CFLAR: variants seen among roughly 807,000 people sequenced by gnomAD.
CFLAR encodes the protein CASP8 and FADD like apoptosis regulator, also known as CASP8 and FADD-like apoptosis regulator.
Under a neutral mutation model 51.1 loss-of-function variants are expected in CFLAR, and 14 were observed. That is an observed-to-expected ratio of 0.27 (90% confidence interval 0.18 to 0.43). The LOEUF (loss-of-function observed/expected upper bound fraction) is 0.43, where lower values mean the gene tolerates loss of function less well. CFLAR is among the 20% of genes least tolerant of loss of function. The probability of loss-of-function intolerance (pLI) is 1.00; values close to 1 mark genes in which losing one functional copy is unlikely to be tolerated. For missense variants in CFLAR, 390 were observed against 566.5 expected, an observed-to-expected ratio of 0.69 and a Z score of 3.16; for synonymous variants, 210 against 211.6, an observed-to-expected ratio of 0.99 and a Z score of 0.06.
In CFLAR at chr2:201,176,474, C is replaced by T. The variant is rs1471681698; in HGVS notation, c.*12501C>T. The T allele has an allele frequency of 2.6e-5, 4 of 152,136 alleles. No homozygotes were observed. The highest frequency in any genetic ancestry group is 9.7e-5 in the African/African-American group (4 of 41,428). The allele number at this position is 152,136 out of a possible 1,614,324, so 9.4% of individuals were successfully genotyped here. Reference sequence around the variant, plus strand: ...TTGTAACAAACCCCTTCTTTGTATACTTTGATATGGTGACATTTCTTGTCA... The same window carrying T: ...TTGTAACAAACCCCTTCTTTGTATATTTTGATATGGTGACATTTCTTGTCA... On this transcript the variant is annotated 3_prime_UTR_variant, in exon 10 of 10. Transcript: ENST00000309955.
intron 1 of CFLAR, among the ~76,000 whole-genome samples, chr2:201,127,127 T>C (rs947921074): frequency 2.6e-5 from 4 of 152,090 alleles, no homozygotes; most frequent in African/African-American, 9.7e-5. Context: ...AAAAGTAAAC[T>C]GCTGAAAACA....
chr2:201,119,352 A>G (rs1479234017), intron 1 of CFLAR, among the ~76,000 whole-genome samples: 2 of 152,138 alleles, frequency 1.3e-5, no homozygotes, highest in East Asian at 1.9e-4. Context: ...TACACAGGTA[A>G]CTTCGAGTCA....
rs1559285641 is a variant in CFLAR, at chr2:201,174,898, C to G, written c.*10925C>G. ...ATGTGGTAGAAAGGCCAACCCAAACCAGCCAAAACCATGATGGTGACAGAA... is the reference window on the plus strand; with the variant it reads ...ATGTGGTAGAAAGGCCAACCCAAACGAGCCAAAACCATGATGGTGACAGAA... On this transcript the variant is annotated 3_prime_UTR_variant, in exon 10 of 10. Transcript: ENST00000309955. 1 of 152,162 alleles carries G rather than the reference C, an allele frequency of 6.6e-6. No individual in the cohort carries two copies. The highest frequency in any genetic ancestry group is 1.5e-5 in the Non-Finnish European group (1 of 68,024). 9.4% of individuals were successfully genotyped at this position (152,162 alleles called of 1,614,324 possible).
chr2:201,150,853 G>A (rs1941168300), intron 8 of CFLAR, among the ~76,000 whole-genome samples: 1 of 152,192 alleles, frequency 6.6e-6, no homozygotes, highest in Non-Finnish European at 1.5e-5. Context: ...AAATGAAATG[G>A]ATTTGGGGGA....
Position 201,167,898 on chromosome 2 carries a change from G to A in CFLAR, c.*3925G>A, listed in dbSNP as rs1943743271. The A allele has an allele frequency of 6.6e-6, 1 of 152,192 alleles. No individual in the cohort carries two copies. The highest frequency in any genetic ancestry group is 2.4e-5 in the African/African-American group (1 of 41,452). The allele number at this position is 152,192 out of a possible 1,614,324, so 9.4% of individuals were successfully genotyped here. A position where few individuals can be genotyped will look rare whatever the true frequency, so the allele number is the denominator to read the frequency against. On this transcript the variant is annotated 3_prime_UTR_variant, in exon 10 of 10. Coordinates refer to ENST00000309955, the MANE Select transcript of CFLAR (RefSeq NM_003879.7). The stretch of plus-strand genomic sequence containing the variant: ...TATGTGAGGGGAAAAAAAATTGACA[G>A]TTTATATTTATCTCAACCTAGTTAA...
chr2:201,145,295 T>A (rs1939885981), intron 5 of CFLAR, 83 bp from the exon 6 acceptor site: 2 of 759,888 alleles, frequency 2.6e-6, no homozygotes, highest in South Asian at 1.7e-5. Context: ...AAGAATCCTA[T>A]TGAGACATTT....
chr2:201,149,774 C>G lies in CFLAR; in HGVS notation c.732C>G (p.Tyr244Ter). 2 of 1,613,304 alleles carry G rather than the reference C, an allele frequency of 1.2e-6. No homozygotes were observed. The highest frequency in any genetic ancestry group is 1.7e-6 in the Non-Finnish European group (2 of 1,179,346). Residue 244 changes from tyrosine (Y) to a stop codon, truncating the protein, a stop_gained, in exon 8 of 10, where the codon TAC (tyrosine) becomes TAG (stop). Transcript: ENST00000309955. LOFTEE classifies it high-confidence loss of function. ...FLPQSIPEER[Y>*]KMKSKPLGIC... The stretch of plus-strand genomic sequence containing the variant: ...TCCAGAGCATACCTGAAGAGAGATA[C>G]AAGATGAAGAGCAAGCCCCTAGGAA...
chr2:201,141,555 G>A, intron 5 of CFLAR: 1 of 1,304,620 alleles, frequency 7.7e-7, no homozygotes, highest in Non-Finnish European at 9.8e-7. Context: ...CCAATCTTTT[G>A]TTACTACTAA....
intron 7 of CFLAR, 95 bp from the exon 8 acceptor site, chr2:201,149,659 A>G (rs920974481): frequency 1.1e-5 from 10 of 926,676 alleles, no homozygotes; most frequent in Non-Finnish European, 1.7e-5. Context: ...CTCACCTGCC[A>G]AAGGAAATCC....
At chr2:201,145,510 G>T in intron 6 of CFLAR, 78 bp downstream of exon 6, 1 of 938,100 alleles carries the variant, frequency 1.1e-6, no homozygotes, top group South Asian at 1.4e-5. Context: ...TTTTAGAGTT[G>T]GTCATTTCCT....
At chr2:201,122,480 T>C (rs1177439039) in intron 1 of CFLAR, 2 of 152,190 alleles carry the variant, frequency 1.3e-5, no homozygotes, top group African/African-American at 4.8e-5. Flanking sequence ...AATGGTCCAA[T>C]GATGACCAGT....
rs1178998338 is a variant in CFLAR, at chr2:201,138,571, TGTCTC to T, written c.524-1784_524-1780del. On this transcript the variant is annotated intron_variant, in intron 4 of 9. Transcript: ENST00000309955. The surrounding 1 kb of genome is among the most constrained non-coding windows in gnomAD (Gnocchi z 4.0). ...TGGTCCTTCTCAGCAAGAAAGTCGA[TGTCTC>T]GGGAGGTGACGATGCCCACCAGCTT... 5.0e-6 allele frequency: 8 copies of T among 1,595,830 alleles called. No individual in the cohort carries two copies. The African/African-American group carries it at 8.0e-5, about 16-fold the overall frequency.
intron 1 of CFLAR, among the ~76,000 whole-genome samples, chr2:201,128,910 C>A (rs1426576913): frequency 6.6e-6 from 1 of 152,158 alleles, no homozygotes; most frequent in Non-Finnish European, 1.5e-5. Flanking sequence ...CCTTACCCCT[C>A]CTACCCAGCC....
rs1279818843 is a variant in CFLAR at position 201,123,282 on chromosome 2, A to C, written c.-137-6447A>C. Among the ~76,000 whole-genome samples the C allele has an allele frequency of 2.0e-5, 3 of 152,224 alleles. No homozygotes were observed. The East Asian group carries it at 5.8e-4, about 29-fold the overall frequency. ...ATTTGTGGGAGCTTCCTTGAGAGTC[A>C]TGAAAAGTCTGTTCTTAGTCTGTTT... On this transcript the variant is annotated intron_variant, in intron 1 of 9. Transcript: ENST00000309955.
chr2:201,119,281 C>G (rs553646832), intron 1 of CFLAR: 9 of 152,310 alleles, frequency 5.9e-5, no homozygotes, highest in African/African-American at 2.2e-4. Context: ...AGAAATGGAT[C>G]TAAACTTGGT....
At position 201,158,820 on chromosome 2, in the gene CFLAR, C is replaced by G. The variant is rs139386461; in HGVS notation, c.794-1612C>G. Among the ~76,000 whole-genome samples, 389 of 151,442 alleles carry G rather than the reference C, an allele frequency of 2.6e-3. 3 individuals are homozygous for G. The highest frequency in any genetic ancestry group is 7.9e-3 in the African/African-American group (327 of 41,368). ...AAAATTACAGTCCTGATAACAGCTACCCAGAGATCCTGTAACGGCATTTGC... is the reference window on the plus strand; with the variant it reads ...AAAATTACAGTCCTGATAACAGCTAGCCAGAGATCCTGTAACGGCATTTGC... On this transcript the variant is annotated intron_variant, in intron 8 of 9. Transcript: ENST00000309955.
At chr2:201,143,290 T>C (rs1050926305) in intron 5 of CFLAR, 1 of 151,456 alleles carries the variant, frequency 6.6e-6, no homozygotes, top group Admixed American at 6.6e-5. Context: ...GAGACCAACA[T>C]GGAGAAACCC....
rs942981176 is a variant in CFLAR, at chr2:201,153,168, A to G, written c.793+3333A>G. ...ACTCAAGCCTTCTCTGCCTCTGGGA[A>G]CAAAATCAGTAATTGGGCTTGAGGC... is the stretch of plus-strand genomic sequence containing the variant. On this transcript the variant is annotated intron_variant, in intron 8 of 9. Transcript: ENST00000309955. The G allele has an allele frequency of 4.6e-5, 7 of 152,298 alleles. 1 individual carries two copies. The South Asian group carries it at 1.2e-3, about 27-fold the overall frequency. The allele number at this position is 152,298 out of a possible 1,614,324, so 9.4% of individuals were successfully genotyped here. A position where few individuals can be genotyped will look rare whatever the true frequency, so the allele number is the denominator to read the frequency against.
chr2:201,118,315 G>A lies in CFLAR; in HGVS notation c.-138+1834G>A, dbSNP rs186875340. Among the ~76,000 whole-genome samples, 1 of 152,278 alleles carries A rather than the reference G, an allele frequency of 6.6e-6. No homozygotes were observed. Among genetic ancestry groups the A allele is most frequent in the Non-Finnish European group, 1.5e-5 (1 of 68,016 alleles). ...GTGAAGCCATTTGCAGGGTCGCTGG[G>A]TTTCCCCCTCCCCCCGAAAGTCTTG... On this transcript the variant is annotated intron_variant, in intron 1 of 9. Coordinates refer to ENST00000309955, the MANE Select transcript of CFLAR (RefSeq NM_003879.7). The surrounding 1 kb of genome is among the most constrained non-coding windows in gnomAD (Gnocchi z 5.1).
Sources: gnomAD v4.1 joint callset for allele counts (sites outside exome capture counted in the v4.1 genomes callset) on GRCh38, gnomAD v4.1.1 for gene constraint, Gnocchi (gnomAD v3.1) non-coding constraint, MANE v1.5 for transcripts, NCBI Gene and HGNC (gene_info 2026-07-23, HGNC 2026-07-21) for gene names.